The following NAALADL2 variants were observed in gnomAD, a reference collection of about 807,000 sequenced individuals.
The protein encoded by NAALADL2 is N-acetylated alpha-linked acidic dipeptidase like 2.
Under a neutral mutation model 87.2 loss-of-function variants are expected in NAALADL2, and 76 were observed. The observed-to-expected ratio is 0.87, with a 90% confidence interval of 0.72 to 1.05. The LOEUF (loss-of-function observed/expected upper bound fraction) is 1.05. Ranked by LOEUF, NAALADL2 falls within the 50% of genes least tolerant of loss-of-function variation. The pLI, the probability that NAALADL2 is intolerant of heterozygous loss-of-function variation, is 0.00. For missense variants in NAALADL2, 1,089 were observed against 945.8 expected, an observed-to-expected ratio of 1.15 and a Z score of -1.99; for synonymous variants, 354 against 331.0, an observed-to-expected ratio of 1.07 and a Z score of -0.75.
At chr3:175,660,390 C>T (rs552205943) in intron 11 of NAALADL2, among the ~76,000 whole-genome samples, 42 of 152,118 alleles carry the variant, frequency 2.8e-4, no homozygotes, top group Middle Eastern at 6.8e-3. Flanking sequence ...TGATATGTCA[C>T]AATAGTACAT....
chr3:175,480,010 G>A (rs1726229580), intron 9 of NAALADL2, among the ~76,000 whole-genome samples: 1 of 151,680 alleles, frequency 6.6e-6, no homozygotes, highest in South Asian at 2.1e-4. Context: ...GTAGGGAAGA[G>A]GAAGTGAATA....
chr3:175,300,745 ATTTATTTATT>A (rs1225969653), intron 4 of NAALADL2, among the ~76,000 whole-genome samples: 1 of 145,756 alleles, frequency 6.9e-6, no homozygotes, highest in Admixed American at 6.9e-5. Flanking sequence ...TCCTGGATTT[ATTTATTTATT>A]TTTATTTATT....
chr3:174,723,005 A>C (rs1175567457), intron 2 of NAALADL2, among the ~76,000 whole-genome samples: 3 of 152,134 alleles, frequency 2.0e-5, no homozygotes, highest in Admixed American at 6.5e-5. Flanking sequence ...GCCTTGTTGA[A>C]AAGTCTTCCT....
At chr3:175,708,199 T>C (rs1234982223) in intron 11 of NAALADL2, among the ~76,000 whole-genome samples, 3 of 152,080 alleles carry the variant, frequency 2.0e-5, no homozygotes, top group South Asian at 2.1e-4. Flanking sequence ...TATAAAGACA[T>C]GTTCATAAGT....
chr3:175,670,651 GA>G (rs1733879024), intron 11 of NAALADL2, among the ~76,000 whole-genome samples: 1 of 148,552 alleles, frequency 6.7e-6, no homozygotes, highest in East Asian at 2.0e-4. Context: ...GCACCAACAG[GA>G]ATTTTCAATC....
intron 11 of NAALADL2, among the ~76,000 whole-genome samples, chr3:175,710,423 A>C (rs548218477): frequency 1.4e-4 from 21 of 152,142 alleles, no homozygotes; most frequent in African/African-American, 4.8e-4. Flanking sequence ...GATAGACATT[A>C]ATGATTATCA....
intron 1 of NAALADL2, among the ~76,000 whole-genome samples, chr3:174,480,564 A>G (rs1405878085): frequency 2.6e-5 from 4 of 152,140 alleles, no homozygotes; most frequent in Non-Finnish European, 5.9e-5. Flanking sequence ...GAATATATTT[A>G]TGTTAGTATC....
intron 1 of NAALADL2, among the ~76,000 whole-genome samples, chr3:174,968,626 C>T (rs554354379): frequency 1.3e-5 from 2 of 152,068 alleles, no homozygotes; most frequent in South Asian, 4.2e-4. Flanking sequence ...ATTACAGGTG[C>T]ACGCCACCAC....
chr3:175,544,129 T>A (rs1402428520), intron 9 of NAALADL2, among the ~76,000 whole-genome samples: 3 of 152,078 alleles, frequency 2.0e-5, no homozygotes, highest in Non-Finnish European at 2.9e-5. Flanking sequence ...CTCAGTTGAG[T>A]TATGATCTTC....
intron 3 of NAALADL2, among the ~76,000 whole-genome samples, chr3:174,775,997 G>T (rs933482157): frequency 3.3e-5 from 5 of 152,048 alleles, no homozygotes; most frequent in African/African-American, 1.2e-4. Flanking sequence ...TCCTACTATT[G>T]CATATTTATT....
intron 10 of NAALADL2, among the ~76,000 whole-genome samples, chr3:175,593,665 AT>A (rs1721847650): frequency 6.6e-6 from 1 of 151,996 alleles, no homozygotes; most frequent in Non-Finnish European, 1.5e-5. Context: ...AATGTTTAGC[AT>A]TTCTTGGCTT....
intron 11 of NAALADL2, among the ~76,000 whole-genome samples, chr3:175,657,033 A>G (rs916706001): frequency 5.9e-5 from 9 of 152,222 alleles, no homozygotes; most frequent in Non-Finnish European, 8.8e-5. Context: ...ACGTACTTAC[A>G]TATAAGAAAA....
At chr3:175,610,564 G>C (rs1724487325) in intron 10 of NAALADL2, among the ~76,000 whole-genome samples, 1 of 151,962 alleles carries the variant, frequency 6.6e-6, no homozygotes, top group Non-Finnish European at 1.5e-5. Flanking sequence ...TTACTATGTT[G>C]AATTTTTAAT....
At chr3:175,656,305 T>C (rs1038985636) in intron 11 of NAALADL2, among the ~76,000 whole-genome samples, 1 of 152,234 alleles carries the variant, frequency 6.6e-6, no homozygotes, top group Admixed American at 6.5e-5. Context: ...AGAATCTGCA[T>C]ATTTGTTTAA....
chr3:175,528,126 A>G (rs1733659371), intron 9 of NAALADL2, among the ~76,000 whole-genome samples: 1 of 152,176 alleles, frequency 6.6e-6, no homozygotes, highest in Admixed American at 6.5e-5. Flanking sequence ...TATTTGGTGT[A>G]TTAGTCAGGG....
At chr3:175,598,788 A>G (rs189913358) in intron 10 of NAALADL2, among the ~76,000 whole-genome samples, 2 of 152,264 alleles carry the variant, frequency 1.3e-5, no homozygotes, top group East Asian at 1.9e-4. Flanking sequence ...AATCCTTCAC[A>G]GTGCACTCAG....
At chr3:175,420,738 C>A (rs1253579615) in intron 5 of NAALADL2, among the ~76,000 whole-genome samples, 1 of 151,972 alleles carries the variant, frequency 6.6e-6, no homozygotes, top group Admixed American at 6.6e-5. Flanking sequence ...TTGGATTATA[C>A]AATCTCTTAA....
chr3:175,590,849 G>A (rs1405373085), intron 10 of NAALADL2, among the ~76,000 whole-genome samples: 4 of 152,142 alleles, frequency 2.6e-5, no homozygotes, highest in Non-Finnish European at 5.9e-5. Flanking sequence ...ATGATTTCAA[G>A]GACATAGTTT....
At chr3:174,711,458 A>C (rs1280226217) in intron 2 of NAALADL2, among the ~76,000 whole-genome samples, 1 of 152,246 alleles carries the variant, frequency 6.6e-6, no homozygotes, top group East Asian at 1.9e-4. Flanking sequence ...CATATAGTTA[A>C]GTAAGTAGAA....
Sources: allele counts gnomAD v4.1 joint callset (sites outside exome capture counted in the v4.1 genomes callset), GRCh38; gene constraint gnomAD v4.1.1; transcripts MANE v1.5; gene names NCBI Gene and HGNC (gene_info 2026-07-23, HGNC 2026-07-21).